TMEFF2: variants seen among roughly 807,000 people sequenced by gnomAD.
TMEFF2 encodes transmembrane protein with EGF like and two follistatin like domains 2.
A neutral mutation model predicts 53.8 loss-of-function variants in TMEFF2; 28 were observed. The observed-to-expected ratio is 0.52, with a 90% confidence interval of 0.39 to 0.71. The LOEUF is 0.71. Ranked by LOEUF, TMEFF2 falls within the 30% of genes least tolerant of loss-of-function variation. The pLI is 0.00. For missense variants in TMEFF2, 353 were observed against 455.2 expected, an observed-to-expected ratio of 0.78 and a Z score of 2.04; for synonymous variants, 162 against 166.3, an observed-to-expected ratio of 0.97 and a Z score of 0.20.
chr2:192,107,625 C>T (rs1409615720), intron 4 of TMEFF2, among the ~76,000 whole-genome samples: 2 of 151,644 alleles, frequency 1.3e-5, no homozygotes, highest in Non-Finnish European at 3.0e-5. Flanking sequence ...AAACAAGGAG[C>T]TAAAGTTTTT....
intron 4 of TMEFF2, among the ~76,000 whole-genome samples, chr2:192,159,327 T>C (rs545641892): frequency 6.6e-6 from 1 of 152,056 alleles, no homozygotes; most frequent in Admixed American, 6.6e-5. Context: ...ATTTGACAAA[T>C]AGATTGTCTC....
In TMEFF2 at chr2:192,069,988, GTATATATATATATA is replaced by G. The variant is rs55800219; in HGVS notation, c.440-12227_440-12214del. Among the ~76,000 whole-genome samples, 319 of 118,558 alleles carry G rather than the reference GTATATATATATATA, an allele frequency of 2.7e-3. 1 individual carries two copies. The highest frequency in any genetic ancestry group is 6.7e-3 in the African/African-American group (200 of 29,668). The allele number at this position is 118,558 out of a possible 152,430, so 77.8% of individuals were successfully genotyped here. A position where few individuals can be genotyped will look rare whatever the true frequency, so the allele number is the denominator to read the frequency against. On this transcript the variant is annotated intron_variant, in intron 4 of 9. Transcript: ENST00000272771. Reference sequence around the variant, plus strand: ...AATGTGTGTGTGTGTGTGTGTGTGTGTATATATATATATATATATATATATATATATATATATAT... The same window carrying G: ...AATGTGTGTGTGTGTGTGTGTGTGTGTATATATATATATATATATATATAT...
At chr2:191,993,504 C>A (rs1294700172) in intron 7 of TMEFF2, among the ~76,000 whole-genome samples, 1 of 152,000 alleles carries the variant, frequency 6.6e-6, no homozygotes, top group African/African-American at 2.4e-5. Flanking sequence ...CCAGGACTTA[C>A]ATTTTTCACG....
In TMEFF2 at chr2:191,949,687, CCTT is replaced by C. The variant is rs1204468836; in HGVS notation, c.*621_*623del. 7.1e-6 allele frequency: 7 copies of C among 985,384 alleles called. No homozygotes were observed. Among genetic ancestry groups the C allele is most frequent in the African/African-American group, 5.2e-5 (3 of 57,356 alleles). 61.0% of individuals were successfully genotyped at this position (985,384 alleles called of 1,614,324 possible). On this transcript the variant is annotated 3_prime_UTR_variant, in exon 10 of 10. Coordinates refer to ENST00000272771, the MANE Select transcript of TMEFF2 (RefSeq NM_016192.4). ...ATGAGTTATAAAACACTTTCCCTCC[CCTT>C]CTTCTTTTATTTAGTTTATATGCCA...
chr2:192,110,174 C>T (rs1689241779), intron 4 of TMEFF2, among the ~76,000 whole-genome samples: 1 of 152,012 alleles, frequency 6.6e-6, no homozygotes. Flanking sequence ...GCTGAAGAAA[C>T]AGAAGATTTT....
At chr2:192,135,410 C>G (rs1015065360) in intron 4 of TMEFF2, among the ~76,000 whole-genome samples, 14 of 152,176 alleles carry the variant, frequency 9.2e-5, no homozygotes, top group Admixed American at 2.0e-4. Flanking sequence ...TTTAGTTTTT[C>G]AATTCATACA....
intron 5 of TMEFF2, among the ~76,000 whole-genome samples, chr2:192,047,014 A>G (rs1687639805): frequency 6.6e-6 from 1 of 151,570 alleles, no homozygotes; most frequent in Admixed American, 6.6e-5. Flanking sequence ...TCTGCCTCCC[A>G]GGTTCAGGCA....
chr2:192,003,767 C>T (rs909774010), intron 5 of TMEFF2, among the ~76,000 whole-genome samples: 1 of 152,108 alleles, frequency 6.6e-6, no homozygotes, highest in Non-Finnish European at 1.5e-5. Flanking sequence ...ATGTATAGCT[C>T]AATGAACTCT....
intron 4 of TMEFF2, among the ~76,000 whole-genome samples, chr2:192,163,655 T>C (rs1370736735): frequency 6.6e-6 from 1 of 152,230 alleles, no homozygotes; most frequent in Non-Finnish European, 1.5e-5. Flanking sequence ...TCTGTTTCTC[T>C]CTTGAAAGTC....
chr2:192,108,853 ATAT>A (rs1689211251), intron 4 of TMEFF2, among the ~76,000 whole-genome samples: 2 of 152,042 alleles, frequency 1.3e-5, no homozygotes, highest in East Asian at 1.9e-4. Flanking sequence ...TACTGATGGA[ATAT>A]TATTTAGCCA....
intron 4 of TMEFF2, among the ~76,000 whole-genome samples, chr2:192,172,182 AC>A (rs1485184108): frequency 1.3e-5 from 2 of 148,274 alleles, no homozygotes; most frequent in Admixed American, 1.4e-4. Context: ...CATCTTGAGA[AC>A]TCATATGGGC....
At chr2:192,156,463 G>T (rs1180281638) in intron 4 of TMEFF2, among the ~76,000 whole-genome samples, 1 of 151,682 alleles carries the variant, frequency 6.6e-6, no homozygotes. Flanking sequence ...CCAGAGTCTG[G>T]GTCCTTAATC....
intron 4 of TMEFF2, among the ~76,000 whole-genome samples, chr2:192,089,664 C>T (rs1277202096): frequency 1.3e-5 from 2 of 152,120 alleles, no homozygotes; most frequent in South Asian, 4.1e-4. Flanking sequence ...ACTATTTGCA[C>T]TGTAGCCGAC....
At chr2:192,150,553 G>T (rs904677814) in intron 4 of TMEFF2, among the ~76,000 whole-genome samples, 13 of 151,780 alleles carry the variant, frequency 8.6e-5, no homozygotes, top group African/African-American at 2.2e-4. Context: ...GTGCATCCAG[G>T]CCCTGCACTA....
intron 5 of TMEFF2, among the ~76,000 whole-genome samples, chr2:192,002,333 T>C (rs901225647): frequency 2.6e-5 from 4 of 152,196 alleles, no homozygotes; most frequent in African/African-American, 9.7e-5. Context: ...GGTCTTTTTC[T>C]CAATTGCATA....
intron 4 of TMEFF2, among the ~76,000 whole-genome samples, chr2:192,120,543 C>T (rs190259394): frequency 6.6e-6 from 1 of 152,306 alleles, no homozygotes; most frequent in Admixed American, 6.5e-5. Context: ...CTTCCCCTCT[C>T]TGAAGAGAGA....
rs994226400 is a variant in TMEFF2 at position 192,098,870 on chromosome 2, TTTAG to T, written c.440-41099_440-41096del. The stretch of plus-strand genomic sequence containing the variant: ...AAGACTTTGATGACATTTTATTCAG[TTTAG>T]TTATTCACCAAAAAATTGATTTGAA... On this transcript the variant is annotated intron_variant, in intron 4 of 9. Transcript: ENST00000272771. 7.9e-5 allele frequency among the ~76,000 whole-genome samples: 12 copies of T among 152,208 alleles called. No individual in the cohort carries two copies. The East Asian group carries it at 1.2e-3, about 15-fold the overall frequency.
At chr2:191,989,543 A>G (rs1382004704) in intron 7 of TMEFF2, among the ~76,000 whole-genome samples, 2 of 152,162 alleles carry the variant, frequency 1.3e-5, no homozygotes, top group Admixed American at 6.6e-5. Context: ...TTCTCAGGCA[A>G]TTCAACTCTA....
intron 5 of TMEFF2, among the ~76,000 whole-genome samples, chr2:192,003,315 T>A (rs934418917): frequency 2.0e-5 from 3 of 152,200 alleles, no homozygotes; most frequent in African/African-American, 7.2e-5. Context: ...GGCAGTCTGA[T>A]GTCAGAGCCT....
Sources: gnomAD v4.1 joint callset for allele counts (sites outside exome capture counted in the v4.1 genomes callset) on GRCh38, gnomAD v4.1.1 for gene constraint, MANE v1.5 for transcripts, NCBI Gene and HGNC (gene_info 2026-07-23, HGNC 2026-07-21) for gene names.